Variants in TRABD2B observed in about 807,000 individuals in gnomAD.
TRABD2B encodes TraB domain containing 2B, also known as metalloprotease TIKI2.
A neutral mutation model predicts 40.1 loss-of-function variants in TRABD2B; 14 were observed. That is an observed-to-expected ratio of 0.35 (90% CI 0.23 to 0.55). The LOEUF (loss-of-function observed/expected upper bound fraction) is 0.55. Ranked by LOEUF, TRABD2B falls within the 20% of genes least tolerant of loss-of-function variation. The probability of loss-of-function intolerance (pLI) is 0.90; values close to 1 mark genes in which losing one functional copy is unlikely to be tolerated. For missense variants in TRABD2B, 541 were observed against 648.6 expected (o/e 0.83, Z 1.80); for synonymous variants, 263 against 277.0 (o/e 0.95, Z 0.50).
chr1:47,851,877 T>C (rs958393432), intron 2 of TRABD2B, among the ~76,000 whole-genome samples: 1 of 152,218 alleles, frequency 6.6e-6, no homozygotes, highest in African/African-American at 2.4e-5. Flanking sequence ...AATAGCTCAA[T>C]ATAACTCAGC....
At chr1:47,959,268 C>A (rs547627435) in intron 2 of TRABD2B, among the ~76,000 whole-genome samples, 9 of 152,182 alleles carry the variant, frequency 5.9e-5, no homozygotes, top group African/African-American at 2.2e-4. Context: ...CAGGAAAGAT[C>A]TAAAATTGAC....
intron 2 of TRABD2B, among the ~76,000 whole-genome samples, chr1:47,872,299 C>T (rs1249287302): frequency 6.6e-6 from 1 of 152,166 alleles, no homozygotes; most frequent in South Asian, 2.1e-4. Flanking sequence ...GCAAGTCTGG[C>T]TGTTGTGGTT....
rs981251359 is a variant in TRABD2B at position 47,810,255 on chromosome 1, A to G, written c.667-8636T>C. Among the ~76,000 whole-genome samples, 4 of 151,850 alleles carry G rather than the reference A, an allele frequency of 2.6e-5. No individual in the cohort carries two copies. The South Asian group carries it at 6.2e-4, about 24-fold the overall frequency. On this transcript the variant is annotated intron_variant, in intron 2 of 6. Coordinates refer to ENST00000606738, the MANE Select transcript of TRABD2B (RefSeq NM_001194986.2). The stretch of plus-strand genomic sequence containing the variant: ...GGCCCTGCTCTGTTGTCGAGGCTGG[A>G]GTGCAGTGGTGCGATCTCTGCTTGC...
intron 2 of TRABD2B, among the ~76,000 whole-genome samples, chr1:47,930,908 C>T (rs1369005937): frequency 1.3e-5 from 2 of 152,176 alleles, no homozygotes; most frequent in East Asian, 1.9e-4. Context: ...TCCCTTGGTG[C>T]TCCCAAAGAC....
At chr1:47,949,026 AC>A (rs1417705078) in intron 2 of TRABD2B, among the ~76,000 whole-genome samples, 1 of 152,204 alleles carries the variant, frequency 6.6e-6, no homozygotes, top group Non-Finnish European at 1.5e-5. Flanking sequence ...CAAGGGGGTT[AC>A]GTGACTAACA....
chr1:47,969,210 G>C (rs1645646039), intron 2 of TRABD2B, among the ~76,000 whole-genome samples: 1 of 152,180 alleles, frequency 6.6e-6, no homozygotes, highest in Admixed American at 6.5e-5. Flanking sequence ...GTTTTCTTTT[G>C]CAAGTGGATC....
intron 2 of TRABD2B, among the ~76,000 whole-genome samples, chr1:47,844,080 T>C (rs1420623134): frequency 6.6e-6 from 1 of 152,228 alleles, no homozygotes; most frequent in Non-Finnish European, 1.5e-5. Context: ...TTCAGCCAAG[T>C]GCACTGTGTT....
At chr1:47,902,304 T>C (rs886703240) in intron 2 of TRABD2B, among the ~76,000 whole-genome samples, 1 of 152,044 alleles carries the variant, frequency 6.6e-6, no homozygotes, top group African/African-American at 2.4e-5. Context: ...AGGGGCACAA[T>C]AGGTGTTGAT....
intron 6 of TRABD2B, among the ~76,000 whole-genome samples, chr1:47,769,218 G>C (rs1044875593): frequency 6.6e-6 from 1 of 152,050 alleles, no homozygotes; most frequent in African/African-American, 2.4e-5. Flanking sequence ...AACACAAGAA[G>C]TCCATAAAAA....
At chr1:47,917,188 C>T (rs1644841239) in intron 2 of TRABD2B, among the ~76,000 whole-genome samples, 1 of 152,182 alleles carries the variant, frequency 6.6e-6, no homozygotes, top group South Asian at 2.1e-4. Context: ...GAGAGAGTTC[C>T]ACAGGCCCTG....
intron 2 of TRABD2B, among the ~76,000 whole-genome samples, chr1:47,902,584 A>G (rs949931009): frequency 2.6e-5 from 4 of 152,002 alleles, no homozygotes; most frequent in African/African-American, 9.7e-5. Flanking sequence ...GCAGCTTTGA[A>G]CTCCTGGGCT....
intron 2 of TRABD2B, among the ~76,000 whole-genome samples, chr1:47,805,918 T>A (rs560785552): frequency 6.6e-6 from 1 of 152,038 alleles, no homozygotes; most frequent in Non-Finnish European, 1.5e-5. Context: ...CTGGAATGTA[T>A]CCTCCTAGTT....
chr1:47,912,489 C>T (rs1470326425), intron 2 of TRABD2B, among the ~76,000 whole-genome samples: 1 of 152,130 alleles, frequency 6.6e-6, no homozygotes, highest in African/African-American at 2.4e-5. Flanking sequence ...TTGTTGGGAC[C>T]TTGGCCTTTC....
intron 2 of TRABD2B, among the ~76,000 whole-genome samples, chr1:47,911,616 G>T (rs985726158): frequency 6.6e-6 from 1 of 152,198 alleles, no homozygotes; most frequent in African/African-American, 2.4e-5. Context: ...GGTCCCACAT[G>T]GTCCTGCTCC....
At chr1:47,900,739 C>T (rs1644589367) in intron 2 of TRABD2B, among the ~76,000 whole-genome samples, 1 of 152,162 alleles carries the variant, frequency 6.6e-6, no homozygotes, top group Non-Finnish European at 1.5e-5. Context: ...GGGGTCGGGG[C>T]TCTGTGCCTC....
chr1:47,864,594 G>C (rs556844214), intron 2 of TRABD2B, among the ~76,000 whole-genome samples: 1 of 152,296 alleles, frequency 6.6e-6, no homozygotes, highest in South Asian at 2.1e-4. Flanking sequence ...GTGATCTGAA[G>C]TAGCCTTAGT....
intron 2 of TRABD2B, among the ~76,000 whole-genome samples, chr1:47,964,853 A>G (rs1339913184): frequency 3.3e-5 from 5 of 151,980 alleles, no homozygotes; most frequent in Non-Finnish European, 5.9e-5. Flanking sequence ...CAGGCACTGC[A>G]TAAGTCAGAG....
At chr1:47,898,287 G>C (rs1245247898) in intron 2 of TRABD2B, among the ~76,000 whole-genome samples, 1 of 152,166 alleles carries the variant, frequency 6.6e-6, no homozygotes, top group African/African-American at 2.4e-5. Context: ...CCCAATCTTT[G>C]AGCCCGGGCT....
Position 47,801,639 on chromosome 1 carries a change from A to G in TRABD2B, c.667-20T>C. 6.5e-7 allele frequency: 1 copy of G among 1,534,610 alleles called. No individual in the cohort carries two copies. Among genetic ancestry groups the G allele is most frequent in the Non-Finnish European group, 8.7e-7 (1 of 1,145,932 alleles). ...CAGCACCTGGGCCGAGGAAAGAGAG[A>G]GGAATGAGGGCTGTGCTCAGGGACC... On this transcript the variant is annotated intron_variant, in intron 2 of 6. Coordinates refer to ENST00000606738, the MANE Select transcript of TRABD2B (RefSeq NM_001194986.2).
Sources: allele counts gnomAD v4.1 joint callset (sites outside exome capture counted in the v4.1 genomes callset), GRCh38; gene constraint gnomAD v4.1.1; transcripts MANE v1.5; gene names NCBI Gene and HGNC (gene_info 2026-07-23, HGNC 2026-07-21).